The following PPIL4 variants were observed in gnomAD, a reference collection of about 807,000 sequenced individuals.
The protein encoded by PPIL4 is peptidyl-prolyl cis-trans isomerase-like 4.
PPIL4 carries 50 observed loss-of-function variants against 69.1 expected under a neutral mutation model. The observed-to-expected ratio is 0.72, with a 90% CI of 0.58 to 0.92. PPIL4 has a LOEUF of 0.92. Ranked by LOEUF, PPIL4 falls within the 40% of genes least tolerant of loss-of-function variation. The pLI is 0.00. For synonymous variants in PPIL4, 193 were observed against 191.6 expected, an observed-to-expected ratio of 1.01 and a Z score of -0.06; for missense variants, 480 against 587.9, an observed-to-expected ratio of 0.82 and a Z score of 1.90.
chr6:149,505,448 A>ATC lies in PPIL4; in HGVS notation c.*3_*4dup. 1 of 1,607,872 alleles carries ATC rather than the reference A, an allele frequency of 6.2e-7. No individual in the cohort carries two copies. The highest frequency in any genetic ancestry group is 8.5e-7 in the Non-Finnish European group (1 of 1,178,272). ...GTTAGCCTCTCAATTCTGCCTCTTC[A>ATC]TCTTTCATCTATACTTAGATTTTTC... On this transcript the variant is annotated 3_prime_UTR_variant, in exon 13 of 13. Coordinates refer to ENST00000253329, the MANE Select transcript of PPIL4 (RefSeq NM_139126.4).
At chr6:149,537,535 G>A (rs1345248429) in intron 4 of PPIL4, among the ~76,000 whole-genome samples, 4 of 152,054 alleles carry the variant, frequency 2.6e-5, no homozygotes, top group African/African-American at 9.6e-5. Context: ...GTGAAACCCC[G>A]TCTCTACTAA....
chr6:149,505,989 C>T lies in PPIL4; in HGVS notation c.1228-285G>A, dbSNP rs17087440. ...GCTCAACTGAAATCAGAACATGTCT[C>T]TAGAGCAATCTGCAAAATCAAAAAT... On this transcript the variant is annotated intron_variant, in intron 12 of 12. Coordinates refer to ENST00000253329, the MANE Select transcript of PPIL4 (RefSeq NM_139126.4). Among the ~76,000 whole-genome samples the T allele has an allele frequency of 0.027, 4,103 of 152,264 alleles. 163 individuals carry two copies. Among genetic ancestry groups the T allele is most frequent in the African/African-American group, 0.093 (3,847 of 41,534 alleles).
chr6:149,518,451 T>C (rs759218671), intron 10 of PPIL4, among the ~76,000 whole-genome samples: 1 of 152,148 alleles, frequency 6.6e-6, no homozygotes, highest in African/African-American at 2.4e-5. Context: ...AGATTAAATG[T>C]AGAAGTAAAA....
At chr6:149,533,340 GAAA>G (rs1777226825) in intron 7 of PPIL4, 115 bp downstream of exon 7, 4 of 634,174 alleles carry the variant, frequency 6.3e-6, no homozygotes, top group Non-Finnish European at 8.2e-6. Context: ...ATTTAAATCA[GAAA>G]AAAATCATAA....
intron 1 of PPIL4, among the ~76,000 whole-genome samples, chr6:149,544,441 A>C (rs1335390369): frequency 6.6e-6 from 1 of 152,224 alleles, no homozygotes; most frequent in African/African-American, 2.4e-5. Flanking sequence ...CAGACATTGT[A>C]CTGGGTACTC....
intron 4 of PPIL4, among the ~76,000 whole-genome samples, chr6:149,536,917 G>C (rs1777285603): frequency 6.6e-6 from 1 of 152,062 alleles, no homozygotes; most frequent in South Asian, 2.1e-4. Flanking sequence ...CACAAGCTCA[G>C]GAGTTCAAGA....
intron 4 of PPIL4, among the ~76,000 whole-genome samples, chr6:149,537,157 A>G (rs1370997641): frequency 1.3e-5 from 2 of 152,084 alleles, no homozygotes; most frequent in African/African-American, 4.8e-5. Context: ...TGCAGCATGC[A>G]TCAAGTTATC....
In PPIL4 at chr6:149,535,587, T is replaced by C; in HGVS notation, c.464+9A>G. ...TCTAGTACATTCAGATAGCAAATTGTAACCATACCTGATATCCTGATATGG... is the reference window on the plus strand; with the variant it reads ...TCTAGTACATTCAGATAGCAAATTGCAACCATACCTGATATCCTGATATGG... On this transcript the variant is annotated intron_variant, in intron 5 of 12. Transcript: ENST00000253329. 1 of 1,605,948 alleles carries C rather than the reference T, an allele frequency of 6.2e-7. No individual in the cohort carries two copies. Among genetic ancestry groups the C allele is most frequent in the Non-Finnish European group, 8.5e-7 (1 of 1,175,778 alleles).
At chr6:149,541,088 A>G in intron 3 of PPIL4, 29 bp from the exon 4 acceptor site, 1 of 1,286,292 alleles carries the variant, frequency 7.8e-7, no homozygotes, top group Non-Finnish European at 1.1e-6. Flanking sequence ...TTATAAATGT[A>G]AGTACTCTCA....
intron 10 of PPIL4, among the ~76,000 whole-genome samples, chr6:149,520,472 T>C (rs536523806): frequency 1.1e-4 from 16 of 152,226 alleles, no homozygotes; most frequent in Admixed American, 2.6e-4. Flanking sequence ...TGGAAACATA[T>C]CATGTCTGCA....
In PPIL4 at chr6:149,542,538, C is replaced by T. The variant is rs541566142; in HGVS notation, c.71-952G>A. Reference sequence around the variant, plus strand: ...CAAACAGACAGTAAGATATATGAGGCAATCCCTGCCCTCAAAAAGCTTACA... The same window carrying T: ...CAAACAGACAGTAAGATATATGAGGTAATCCCTGCCCTCAAAAAGCTTACA... On this transcript the variant is annotated intron_variant, in intron 1 of 12. Transcript: ENST00000253329. 1.2e-4 allele frequency among the ~76,000 whole-genome samples: 18 copies of T among 152,298 alleles called. No individual in the cohort carries two copies. In the South Asian group the frequency reaches 3.3e-3, roughly 28 times the overall value.
chr6:149,514,155 A>G (rs542806054), intron 11 of PPIL4, among the ~76,000 whole-genome samples: 1 of 152,248 alleles, frequency 6.6e-6, no homozygotes, highest in Non-Finnish European at 1.5e-5. Context: ...AAAGAGGGTT[A>G]GTCAGCTCGT....
In PPIL4 at chr6:149,539,090, G is replaced by A. The variant is rs183841421; in HGVS notation, c.321+1852C>T. Among the ~76,000 whole-genome samples, 7 of 152,130 alleles carry A rather than the reference G, an allele frequency of 4.6e-5. No individual in the cohort carries two copies. In the East Asian group the frequency reaches 7.7e-4, roughly 17 times the overall value. Reference sequence around the variant, plus strand: ...ACAAACTCCTGACCTCAGGTGATCCGCCCCCCTCAGCCTCCCAAAGTGGTG... The same window carrying A: ...ACAAACTCCTGACCTCAGGTGATCCACCCCCCTCAGCCTCCCAAAGTGGTG... On this transcript the variant is annotated intron_variant, in intron 4 of 12. Transcript: ENST00000253329.
chr6:149,537,465 T>C (rs1777295508), intron 4 of PPIL4, among the ~76,000 whole-genome samples: 1 of 152,102 alleles, frequency 6.6e-6, no homozygotes, highest in South Asian at 2.1e-4. Flanking sequence ...CCCAGCACTT[T>C]GGGAGGCCGA....
intron 8 of PPIL4, 65 bp from the exon 9 acceptor site, chr6:149,525,274 C>A: frequency 5.2e-6 from 4 of 769,112 alleles, no homozygotes; most frequent in South Asian, 1.8e-5. Flanking sequence ...CACTCTCACT[C>A]TTCAAAACTG....
intron 12 of PPIL4, among the ~76,000 whole-genome samples, chr6:149,507,477 C>T (rs1406982746): frequency 2.0e-5 from 3 of 152,090 alleles, no homozygotes; most frequent in Admixed American, 6.5e-5. Context: ...TTTTGTGCTT[C>T]CTATAACATA....
chr6:149,535,616 A>G lies in PPIL4; in HGVS notation c.444T>C (p.Phe148=), dbSNP rs1777264797. ...CATACCTGATATCCTGATATGGTAC[A>G]AAGTCCTTGTCAACAAAGGTCTCAT... ...KINETFVDKD[F]VPYQDIRINH... The change falls in exon 5 of 13, where the codon TTT becomes TTC. Residue 148 remains phenylalanine, a synonymous_variant. Coordinates refer to ENST00000253329, the MANE Select transcript of PPIL4 (RefSeq NM_139126.4). 1.9e-6 allele frequency: 3 copies of G among 1,612,304 alleles called. No individual in the cohort carries two copies. The highest frequency in any genetic ancestry group is 1.3e-5 in the African/African-American group (1 of 74,904).
intron 9 of PPIL4, 96 bp downstream of exon 9, chr6:149,525,047 C>A: frequency 3.4e-6 from 2 of 591,104 alleles, no homozygotes; most frequent in South Asian, 5.4e-5. Flanking sequence ...AAAGAAAGGG[C>A]AACTCTAGAA....
intron 12 of PPIL4, among the ~76,000 whole-genome samples, chr6:149,510,196 A>C (rs999302920): frequency 6.6e-5 from 10 of 152,260 alleles, no homozygotes; most frequent in African/African-American, 1.4e-4. Context: ...AAGAAATTCT[A>C]TCTCTGCTGG....
Sources: allele counts gnomAD v4.1 joint callset (sites outside exome capture counted in the v4.1 genomes callset), GRCh38; gene constraint gnomAD v4.1.1; transcripts MANE v1.5; gene names NCBI Gene and HGNC (gene_info 2026-07-23, HGNC 2026-07-21).